Variants in WDR35 observed in about 807,000 individuals in gnomAD.
WDR35 encodes the protein WD repeat-containing protein 35.
Under a neutral mutation model 158.3 loss-of-function variants are expected in WDR35, and 118 were observed. The observed-to-expected ratio is 0.75, with a 90% CI of 0.64 to 0.87. The LOEUF (loss-of-function observed/expected upper bound fraction) is 0.87. WDR35 is among the 40% of genes least tolerant of loss of function. WDR35 has a pLI of 0.00. For synonymous variants in WDR35, 448 were observed against 476.1 expected, an observed-to-expected ratio of 0.94 and a Z score of 0.77; for missense variants, 1,263 against 1,405.8, an observed-to-expected ratio of 0.90 and a Z score of 1.62.
chr2:19,973,861 A>G (rs1672108641), intron 7 of WDR35, among the ~76,000 whole-genome samples, 153 bp from the exon 8 acceptor site: 1 of 152,252 alleles, frequency 6.6e-6, no homozygotes, highest in Non-Finnish European at 1.5e-5. Flanking sequence ...TAATCCCAAC[A>G]CTTTAGGAGG....
intron 25 of WDR35, among the ~76,000 whole-genome samples, chr2:19,920,310 A>G (rs1332964730): frequency 6.6e-6 from 1 of 152,246 alleles, no homozygotes; most frequent in Admixed American, 6.5e-5. Flanking sequence ...TCCCTGATGA[A>G]CATCTATGAG....
rs772304029 is a variant in WDR35, at chr2:19,914,056, A to G, written c.3343T>C (p.Leu1115=). The change falls in exon 26 of 27, where the codon TTG becomes CTG. Residue 1115 remains leucine (L), a synonymous_variant. Transcript: ENST00000281405. ...GCCTACCCTTCCATAAGGCTGTCCA[A>G]TTCAGGTTTTCTGTTATCTTTTGAA... The part of the protein sequence containing the change: ...HTSKDNRKPE[L]DSLMEGGEGK... 5.0e-6 allele frequency: 8 copies of G among 1,614,060 alleles called. No individual in the cohort carries two copies. The African/African-American group carries it at 8.0e-5, about 16-fold the overall frequency.
chr2:19,966,639 G>T, intron 10 of WDR35, 85 bp downstream of exon 10: 3 of 1,486,134 alleles, frequency 2.0e-6, no homozygotes, highest in Non-Finnish European at 1.9e-6. Flanking sequence ...GTACTTGCCA[G>T]TGTAGAGGCC....
intron 12 of WDR35, chr2:19,951,729 T>C (rs534641277): frequency 2.9e-4 from 106 of 359,622 alleles, no homozygotes; most frequent in African/African-American, 2.0e-3. Flanking sequence ...GAACATTTCA[T>C]CATATATTCC....
At chr2:19,979,266 T>TA (rs539855335) in intron 4 of WDR35, among the ~76,000 whole-genome samples, 46 of 152,158 alleles carry the variant, frequency 3.0e-4, no homozygotes, top group Non-Finnish European at 5.0e-4. Flanking sequence ...CATAACCAAT[T>TA]AAAAAAACTC....
chr2:19,954,063 T>C, intron 11 of WDR35, 85 bp from the exon 12 acceptor site: 1 of 1,496,676 alleles, frequency 6.7e-7, no homozygotes, highest in Non-Finnish European at 9.3e-7. Context: ...AATCACGGAG[T>C]TCAACCCCTC....
chr2:19,941,679 T>A, intron 17 of WDR35, 80 bp downstream of exon 17: 1 of 1,067,846 alleles, frequency 9.4e-7, no homozygotes, highest in Non-Finnish European at 1.4e-6. Context: ...TCCACACTGC[T>A]AACCAGGATA....
intron 10 of WDR35, among the ~76,000 whole-genome samples, chr2:19,963,123 CT>C (rs1468791142): frequency 6.6e-6 from 1 of 152,140 alleles, no homozygotes; most frequent in African/African-American, 2.4e-5. Context: ...CTTTCATTCC[CT>C]TTTCCACCCC....
chr2:19,975,483 A>G (rs964193208), intron 6 of WDR35, 47 bp downstream of exon 6: 1 of 1,574,284 alleles, frequency 6.4e-7, no homozygotes, highest in Non-Finnish European at 8.7e-7. Context: ...TATGTACGAT[A>G]ATCATATAAA....
At chr2:19,946,100 G>A (rs1671043446) in intron 15 of WDR35, 104 bp from the exon 16 acceptor site, 1 of 1,230,974 alleles carries the variant, frequency 8.1e-7, no homozygotes, top group Non-Finnish European at 1.2e-6. Flanking sequence ...CAGATTATCA[G>A]AAACCTGGAA....
rs750771676 is a variant in WDR35, at chr2:19,941,799, T to G, written c.1886A>C (p.Asp629Ala). The G allele has an allele frequency of 5.1e-6, 8 of 1,574,974 alleles. No individual in the cohort carries two copies. Among genetic ancestry groups the G allele is most frequent in the Non-Finnish European group, 6.9e-6 (8 of 1,152,752 alleles). The change falls in exon 17 of 27, where the codon GAT becomes GCT. Residue 629 changes from aspartate (D) to alanine (A), a missense_variant. Coordinates refer to ENST00000281405, the MANE Select transcript of WDR35 (RefSeq NM_020779.4). The stretch of plus-strand genomic sequence containing the variant: ...CAAAAGAACAGATTTAATTTCTAAA[T>G]CCTCAAAATTACAAATATATCCAGA... Reference protein sequence around the residue: ...QTSGYICNFEDLEIKSVLLDE... With the variant: ...QTSGYICNFEALEIKSVLLDE...
At chr2:19,919,259 T>C (rs559157197) in intron 25 of WDR35, among the ~76,000 whole-genome samples, 56 of 151,538 alleles carry the variant, frequency 3.7e-4, no homozygotes, top group African/African-American at 1.3e-3. Flanking sequence ...CGGGCGCCTG[T>C]AGTCCCAGCT....
At position 19,945,821 on chromosome 2, in the gene WDR35, T is replaced by A. The variant is rs1671027677; in HGVS notation, c.1810A>T (p.Thr604Ser). 5.0e-6 allele frequency: 8 copies of A among 1,613,960 alleles called. No individual in the cohort carries two copies. Among genetic ancestry groups the A allele is most frequent in the Non-Finnish European group, 6.8e-6 (8 of 1,179,844 alleles). ...AAGTTTCTGAAAACATACATTCTTG[T>A]CTTCTCCATCATTGCAAACAAATCA... Reference protein sequence around the residue: ...NPDLFAMMEKTRMYVFRNLDP... With the variant: ...NPDLFAMMEKSRMYVFRNLDP... Residue 604 changes from threonine to serine, a missense_variant, in exon 16 of 27, where the codon ACA becomes TCA. Transcript: ENST00000281405.
intron 10 of WDR35, among the ~76,000 whole-genome samples, chr2:19,964,396 T>TTTTTTTTTTTTTTTTTTTTTTC (rs1558349180): frequency 6.7e-6 from 1 of 148,558 alleles, no homozygotes; most frequent in African/African-American, 2.5e-5. Flanking sequence ...TTTTTTTTTT[T>TTTTTTTTTTTTTTTTTTTTTTC]CTTTGGAGAC....
chr2:19,918,911 C>T (rs941199500), intron 25 of WDR35, among the ~76,000 whole-genome samples: 9 of 152,156 alleles, frequency 5.9e-5, no homozygotes, highest in East Asian at 1.9e-4. Context: ...TAGACATCTA[C>T]GGAACTCTCC....
chr2:19,936,515 G>A (rs1670702461), intron 19 of WDR35, 150 bp from the exon 20 acceptor site: 5 of 1,150,238 alleles, frequency 4.3e-6, no homozygotes, highest in African/African-American at 1.5e-5. Flanking sequence ...AGCCTGACTA[G>A]CTAAGAGGAA....
At chr2:19,931,897 T>C (rs919738437) in intron 23 of WDR35, among the ~76,000 whole-genome samples, 2 of 152,132 alleles carry the variant, frequency 1.3e-5, no homozygotes, top group East Asian at 3.8e-4. Flanking sequence ...AATACTGTAC[T>C]AATTATCTTC....
chr2:19,971,208 C>G (rs1672025358), intron 8 of WDR35, among the ~76,000 whole-genome samples: 1 of 152,178 alleles, frequency 6.6e-6, no homozygotes, highest in Non-Finnish European at 1.5e-5. Flanking sequence ...TTACTGGTAT[C>G]CCTTGTTCTA....
chr2:19,924,177 A>C (rs557783940), intron 25 of WDR35, among the ~76,000 whole-genome samples: 1 of 152,308 alleles, frequency 6.6e-6, no homozygotes, highest in Non-Finnish European at 1.5e-5. Flanking sequence ...AAATCCCTTT[A>C]TGTGGAGAAC....
Sources: gnomAD v4.1 joint callset for allele counts (sites outside exome capture counted in the v4.1 genomes callset) on GRCh38, gnomAD v4.1.1 for gene constraint, MANE v1.5 for transcripts, NCBI Gene and HGNC (gene_info 2026-07-23, HGNC 2026-07-21) for gene names.